Variants in NOS1AP observed in about 807,000 individuals in gnomAD.
The protein encoded by NOS1AP is nitric oxide synthase 1 adaptor protein, also known as carboxyl-terminal PDZ ligand of neuronal nitric oxide synthase protein.
In NOS1AP, 21 loss-of-function variants were observed where a neutral mutation model predicts 56.2. That is an observed-to-expected ratio of 0.37 (90% CI 0.26 to 0.54). The LOEUF (loss-of-function observed/expected upper bound fraction) is 0.54, where lower values mean the gene tolerates loss of function less well. Among genes scored for constraint, NOS1AP ranks in the 20% least tolerant of loss-of-function variants. NOS1AP has a pLI of 0.84. For missense variants in NOS1AP, 522 were observed against 657.8 expected (o/e 0.79, Z 2.26); for synonymous variants, 270 against 274.6 (o/e 0.98, Z 0.17).
chr1:162,361,220 A>G (rs963673092), intron 8 of NOS1AP, among the ~76,000 whole-genome samples: 1 of 152,182 alleles, frequency 6.6e-6, no homozygotes, highest in Non-Finnish European at 1.5e-5. Context: ...CCAGAAAGAA[A>G]TATGGTCTAC....
At chr1:162,250,847 C>T (rs1653825888) in intron 2 of NOS1AP, among the ~76,000 whole-genome samples, 1 of 152,116 alleles carries the variant, frequency 6.6e-6, no homozygotes. Flanking sequence ...CATTATCAGC[C>T]AGACACCTTT....
intron 1 of NOS1AP, among the ~76,000 whole-genome samples, chr1:162,101,414 G>A (rs1464445560): frequency 6.6e-6 from 1 of 152,090 alleles, no homozygotes; most frequent in Non-Finnish European, 1.5e-5. Context: ...TTGGCTATTT[G>A]GGTTCTTTTT....
intron 2 of NOS1AP, among the ~76,000 whole-genome samples, chr1:162,201,371 T>G (rs1160248482): frequency 6.6e-6 from 1 of 152,208 alleles, no homozygotes; most frequent in East Asian, 1.9e-4. Flanking sequence ...TTTAGGTTGA[T>G]TCCATGTCTT....
At chr1:162,282,931 A>G (rs893304666) in intron 2 of NOS1AP, among the ~76,000 whole-genome samples, 1 of 152,172 alleles carries the variant, frequency 6.6e-6, no homozygotes, top group African/African-American at 2.4e-5. Flanking sequence ...GACAGTGAGA[A>G]GGACTTGGCA....
Position 162,365,400 on chromosome 1 carries a change from G to T in NOS1AP, c.940-4G>T, listed in dbSNP as rs1175554413. The T allele has an allele frequency of 1.2e-6, 2 of 1,614,122 alleles. No homozygotes were observed. Among genetic ancestry groups the T allele is most frequent in the Admixed American group, 3.3e-5 (2 of 60,030 alleles). On this transcript the variant is annotated splice_region_variant and splice_polypyrimidine_tract_variant and intron_variant, in intron 8 of 9. Transcript: ENST00000361897. ...TCTTCTCTGCCGCTGCCTCTTCTCT[G>T]CAGGTACACTTGCTGAAGGACCAGT...
chr1:162,365,645 G>T, intron 9 of NOS1AP, 76 bp downstream of exon 9: 1 of 1,580,344 alleles, frequency 6.3e-7, no homozygotes, highest in Non-Finnish European at 8.6e-7. Flanking sequence ...TAAGTTTTTG[G>T]TGGTGCTTTC....
chr1:162,365,315 T>C, intron 8 of NOS1AP, 89 bp from the exon 9 acceptor site: 1 of 1,601,180 alleles, frequency 6.2e-7, no homozygotes, highest in Middle Eastern at 1.7e-4. Flanking sequence ...GCATCTCTGG[T>C]CCCGGCCATC....
chr1:162,156,170 A>G (rs770349389), intron 2 of NOS1AP, among the ~76,000 whole-genome samples: 2 of 152,202 alleles, frequency 1.3e-5, no homozygotes, highest in Non-Finnish European at 2.9e-5. Context: ...TGAGACTGCT[A>G]TTAAATACAA....
Position 162,370,143 on chromosome 1 carries a change from G to A in NOS1AP, c.*2676G>A, listed in dbSNP as rs573494463. Reference sequence around the variant, plus strand: ...CTCCCACAGTTATGGAGCCAGGAAAGAATTTCTCTGCACTGGATGGACTGT... The same window carrying A: ...CTCCCACAGTTATGGAGCCAGGAAAAAATTTCTCTGCACTGGATGGACTGT... On this transcript the variant is annotated 3_prime_UTR_variant, in exon 10 of 10. Coordinates refer to ENST00000361897, the MANE Select transcript of NOS1AP (RefSeq NM_014697.3). The A allele has an allele frequency of 4.6e-5, 7 of 152,312 alleles. No homozygotes were observed. Among genetic ancestry groups the A allele is most frequent in the African/African-American group, 1.4e-4 (6 of 41,572 alleles). 9.4% of individuals were successfully genotyped at this position (152,312 alleles called of 1,614,324 possible).
At chr1:162,268,454 C>T (rs115809657) in intron 2 of NOS1AP, among the ~76,000 whole-genome samples, 3,849 of 152,260 alleles carry the variant, frequency 0.025, 69 homozygotes, top group Non-Finnish European at 0.038. Flanking sequence ...CACTTTATAA[C>T]AAAGCTCACT....
At chr1:162,129,363 T>G (rs1648642321) in intron 1 of NOS1AP, among the ~76,000 whole-genome samples, 1 of 152,204 alleles carries the variant, frequency 6.6e-6, no homozygotes, top group Non-Finnish European at 1.5e-5. Flanking sequence ...TTTTAAACCC[T>G]GATTGTTGCC....
chr1:162,289,496 A>T, intron 3 of NOS1AP, among the ~76,000 whole-genome samples: 1 of 78,768 alleles, frequency 1.3e-5, no homozygotes, highest in South Asian at 4.7e-4. Flanking sequence ...TTTTTTTGAG[A>T]CGGAGTCTCG....
chr1:162,357,356 C>G (rs1055740272), intron 8 of NOS1AP, among the ~76,000 whole-genome samples: 4 of 152,186 alleles, frequency 2.6e-5, no homozygotes, highest in Non-Finnish European at 4.4e-5. Flanking sequence ...CATGTATCCC[C>G]TGCTCTGAGC....
At chr1:162,139,588 G>A (rs1164230155) in intron 1 of NOS1AP, among the ~76,000 whole-genome samples, 1 of 152,182 alleles carries the variant, frequency 6.6e-6, no homozygotes, top group African/African-American at 2.4e-5. Context: ...TGAGGCCACT[G>A]GTGCAGTGGA....
intron 2 of NOS1AP, among the ~76,000 whole-genome samples, chr1:162,235,838 T>A (rs1653273422): frequency 1.3e-5 from 2 of 152,218 alleles, no homozygotes; most frequent in Admixed American, 1.3e-4. Flanking sequence ...CATACATGCA[T>A]CCATGTGTTT....
Position 162,186,377 on chromosome 1 carries a change from T to A in NOS1AP, c.177+31901T>A, listed in dbSNP as rs560572750. On this transcript the variant is annotated intron_variant, in intron 2 of 9. Coordinates refer to ENST00000361897, the MANE Select transcript of NOS1AP (RefSeq NM_014697.3). Reference sequence around the variant, plus strand: ...CCTGACTCATATATATTGTATAAAGTGTTTTGAAAAGATGAAGAAAAAAAA... The same window carrying A: ...CCTGACTCATATATATTGTATAAAGAGTTTTGAAAAGATGAAGAAAAAAAA... 1.4e-4 allele frequency among the ~76,000 whole-genome samples: 22 copies of A among 151,832 alleles called. 3 individuals carry two copies. The highest frequency in any genetic ancestry group is 5.3e-4 in the African/African-American group (22 of 41,356).
Position 162,231,581 on chromosome 1 carries a change from C to T in NOS1AP, c.178-55763C>T, listed in dbSNP as rs141333100. On this transcript the variant is annotated intron_variant, in intron 2 of 9. Transcript: ENST00000361897. ...AAATATTCAATATGTCATCAACATA[C>T]AATTATTGATATTTTATGTTTTTGC... Among the ~76,000 whole-genome samples the T allele has an allele frequency of 2.6e-5, 4 of 152,148 alleles. No homozygotes were observed. The East Asian group carries it at 7.7e-4, about 29-fold the overall frequency.
At chr1:162,154,607 C>T (rs1649855688) in intron 2 of NOS1AP, 131 bp downstream of exon 2, 1 of 701,030 alleles carries the variant, frequency 1.4e-6, no homozygotes, top group Non-Finnish European at 2.5e-6. Context: ...CCTCTCTGTA[C>T]CCTCTAGGTA....
At chr1:162,119,944 A>G (rs1648134928) in intron 1 of NOS1AP, among the ~76,000 whole-genome samples, 2 of 152,178 alleles carry the variant, frequency 1.3e-5, no homozygotes, top group Admixed American at 6.5e-5. Flanking sequence ...CAGTTGGTAT[A>G]TGGCCAAAGT....
Sources: allele counts gnomAD v4.1 joint callset (sites outside exome capture counted in the v4.1 genomes callset), GRCh38; gene constraint gnomAD v4.1.1; transcripts MANE v1.5; gene names NCBI Gene and HGNC (gene_info 2026-07-23, HGNC 2026-07-21).